Variants in NME8 observed in about 807,000 individuals in gnomAD.
NME8 encodes the protein protein NME8.
A neutral mutation model predicts 82.3 loss-of-function variants in NME8; 72 were observed. The observed-to-expected ratio is 0.87, with a 90% confidence interval of 0.72 to 1.06. NME8 has a LOEUF of 1.06. NME8 is among the 50% of genes least tolerant of loss of function. NME8 has a pLI of 0.00. For missense variants in NME8, 712 were observed against 685.4 expected (o/e 1.04, Z -0.43); for synonymous variants, 267 against 228.5 (o/e 1.17, Z -1.52).
chr7:37,871,122 T>C lies in NME8; in HGVS notation c.818+3224T>C, dbSNP rs555616515. On this transcript the variant is annotated intron_variant, in intron 11 of 17. Transcript: ENST00000199447. Reference sequence around the variant, plus strand: ...AGGAGAGAAGTTAAAAGCAGAGCAATTGAACTGGGAGTGATTGGTGACCCC... The same window carrying C: ...AGGAGAGAAGTTAAAAGCAGAGCAACTGAACTGGGAGTGATTGGTGACCCC... Among the ~76,000 whole-genome samples, 10 of 152,250 alleles carry C rather than the reference T, an allele frequency of 6.6e-5. No individual in the cohort carries two copies. The East Asian group carries it at 1.5e-3, about 24-fold the overall frequency.
In NME8 at chr7:37,887,242, T is replaced by A. The variant is rs372300881; in HGVS notation, c.1248-1035T>A. ...GTCTAATGTGGATGGTCTGGTATTA[T>A]CAGCATCACTCCTGCCTCTTCCCAC... On this transcript the variant is annotated intron_variant, in intron 14 of 17. Transcript: ENST00000199447. 7.9e-4 allele frequency among the ~76,000 whole-genome samples: 120 copies of A among 152,296 alleles called. 2 individuals carry two copies. The highest frequency in any genetic ancestry group is 3.4e-3 in the Middle Eastern group (1 of 294).
intron 2 of NME8, among the ~76,000 whole-genome samples, chr7:37,849,364 A>G (rs1053308431): frequency 1.3e-5 from 2 of 152,202 alleles, no homozygotes; most frequent in African/African-American, 4.8e-5. Context: ...TATTTCAGGA[A>G]AACAAAACCT....
chr7:37,887,738 G>A (rs971429894), intron 14 of NME8, among the ~76,000 whole-genome samples: 3 of 152,100 alleles, frequency 2.0e-5, no homozygotes, highest in East Asian at 1.9e-4. Flanking sequence ...TCACAGTTCC[G>A]CATGGCTGGG....
intron 6 of NME8, among the ~76,000 whole-genome samples, chr7:37,860,891 A>G (rs1457119391): frequency 1.3e-5 from 2 of 152,250 alleles, no homozygotes; most frequent in East Asian, 1.9e-4. Flanking sequence ...AGTGAGAAAC[A>G]GAAGAGTCAC....
At chr7:37,900,184 T>G (rs1384351487) in intron 17 of NME8, 60 bp from the exon 18 acceptor site, 4 of 152,238 alleles carry the variant, frequency 2.6e-5, no homozygotes, top group African/African-American at 9.6e-5. Flanking sequence ...TGATAAATGC[T>G]GAAAGATTAG....
At position 37,862,056 on chromosome 7, in the gene NME8, G is replaced by T; in HGVS notation, c.299G>T (p.Gly100Val). Reference protein sequence around the residue: ...VNGKIIEKIQGANAPLVNKKV... With the variant: ...VNGKIIEKIQVANAPLVNKKV... ...GGCAAAATTATCGAAAAGATTCAGG[G>T]TGCAAATGCACCGCTTGTTAATAAA... Residue 100 changes from glycine to valine, a missense_variant, in exon 7 of 18, where the codon GGT becomes GTT. Coordinates refer to ENST00000199447, the MANE Select transcript of NME8 (RefSeq NM_016616.5). The T allele has an allele frequency of 1.2e-6, 2 of 1,613,534 alleles. No individual in the cohort carries two copies. Among genetic ancestry groups the T allele is most frequent in the Non-Finnish European group, 1.7e-6 (2 of 1,179,668 alleles).
chr7:37,879,407 A>G (rs909009004), intron 12 of NME8, among the ~76,000 whole-genome samples: 3 of 152,164 alleles, frequency 2.0e-5, no homozygotes, highest in Admixed American at 6.5e-5. Context: ...TCGCCTCCCA[A>G]AGTGCTGGAT....
chr7:37,858,172 C>T (rs985004359), intron 6 of NME8, among the ~76,000 whole-genome samples: 13 of 152,226 alleles, frequency 8.5e-5, no homozygotes, highest in Admixed American at 3.9e-4. Flanking sequence ...CTACAGAGTT[C>T]GAGAACTGAG....
chr7:37,866,684 T>C (rs1784687509), intron 10 of NME8, among the ~76,000 whole-genome samples: 1 of 152,202 alleles, frequency 6.6e-6, no homozygotes, highest in Non-Finnish European at 1.5e-5. Context: ...GGGAGAGATT[T>C]GTTAAAGATG....
At chr7:37,850,128 T>TACATAAATATATACACCTACTATGTACCC (rs1784417124) in intron 2 of NME8, 132 bp from the exon 3 acceptor site, 1 of 684,618 alleles carries the variant, frequency 1.5e-6, no homozygotes, top group African/African-American at 1.8e-5. Flanking sequence ...AATACAGAGA[T>TACATAAATATATACACCTACTATGTACCC]ACATAAATAT....
At chr7:37,872,933 G>T (rs2722309) in intron 11 of NME8, among the ~76,000 whole-genome samples, 84,725 of 151,992 alleles carry the variant, frequency 0.56, 24,768 homozygotes, top group East Asian at 0.68. Context: ...TGCACACTGT[G>T]TCCAGACAGA....
Position 37,885,218 on chromosome 7 carries a change from A to G in NME8, c.1213A>G (p.Thr405Ala). 1.2e-6 allele frequency: 2 copies of G among 1,613,202 alleles called. No homozygotes were observed. The highest frequency in any genetic ancestry group is 1.7e-4 in the Middle Eastern group (1 of 6,058). The change falls in exon 14 of 18, where the codon ACT (threonine) becomes GCT (alanine). Residue 405 changes from threonine to alanine, a missense_variant. By Grantham distance (58) the Thr-to-Ala change is moderately conservative. Transcript: ENST00000199447. ...CTGGAAACAATTACTGGGACCAAGA[A>G]CTGTTGAAGAAGCCATTGAATATTT... is the stretch of plus-strand genomic sequence containing the variant. ...QYWKQLLGPRTVEEAIEYFPE... is the reference protein window; with the variant it reads ...QYWKQLLGPRAVEEAIEYFPE...
chr7:37,852,321 A>G (rs570966071), intron 5 of NME8, among the ~76,000 whole-genome samples: 1 of 152,138 alleles, frequency 6.6e-6, no homozygotes, highest in Non-Finnish European at 1.5e-5. Context: ...GTACATTGTT[A>G]CAACGGATTA....
intron 11 of NME8, among the ~76,000 whole-genome samples, chr7:37,875,222 A>G (rs377537231): frequency 6.6e-6 from 1 of 152,238 alleles, no homozygotes; most frequent in African/African-American, 2.4e-5. Context: ...AACTACATGC[A>G]ATATATAATC....
At chr7:37,862,174 G>A (rs1460624629) in intron 7 of NME8, 30 bp downstream of exon 7, 1 of 1,424,850 alleles carries the variant, frequency 7.0e-7, no homozygotes, top group Non-Finnish European at 9.9e-7. Flanking sequence ...ACAGTTTGAA[G>A]ACAAGCTTAT....
chr7:37,851,396 T>C (rs1784436656), intron 5 of NME8, among the ~76,000 whole-genome samples: 1 of 152,206 alleles, frequency 6.6e-6, no homozygotes, highest in South Asian at 2.1e-4. Flanking sequence ...TTGTAAAACT[T>C]TTAAAATCTG....
Position 37,867,757 on chromosome 7 carries a change from T to A in NME8, c.677T>A (p.Val226Asp). 2 of 1,613,728 alleles carry A rather than the reference T, an allele frequency of 1.2e-6. No homozygotes were observed. The highest frequency in any genetic ancestry group is 2.2e-5 in the South Asian group (2 of 91,082). The change falls in exon 11 of 18, where the codon GTT (valine) becomes GAT (aspartate). Residue 226 changes from valine (V) to aspartate (D), a missense_variant. By Grantham distance (152) the Val-to-Asp change is radical. Coordinates refer to ENST00000199447, the MANE Select transcript of NME8 (RefSeq NM_016616.5). ...ACAAGTGGCTTAAGCTATATTCTAG[T>A]TGTATCTCAAGGAAGTAAACACAAT... ...FMTSGLSYILVVSQGSKHNPP... is the reference protein window; with the variant it reads ...FMTSGLSYILDVSQGSKHNPP...
chr7:37,849,572 G>T (rs1784408460), intron 2 of NME8, among the ~76,000 whole-genome samples: 1 of 152,220 alleles, frequency 6.6e-6, no homozygotes, highest in Admixed American at 6.5e-5. Context: ...TTTTTCACTA[G>T]TACATTAAGA....
rs1784642860 is a variant in NME8, at chr7:37,864,359, A to T, written c.466A>T (p.Ser156Cys). ...AAATTTTTTTCCAGAGGAATTATAC[A>T]GTATTGCTATTATCAAACCGGATGC... is the stretch of plus-strand genomic sequence containing the variant. ...SPCESVQELY[S>C]IAIIKPDAVI... Residue 156 changes from serine (S) to cysteine (C), a missense_variant, in exon 9 of 18, where the codon AGT becomes TGT. Transcript: ENST00000199447. The T allele has an allele frequency of 6.3e-7, 1 of 1,593,124 alleles. No homozygotes were observed. The highest frequency in any genetic ancestry group is 1.3e-5 in the African/African-American group (1 of 74,556).
Sources: gnomAD v4.1 joint callset for allele counts (sites outside exome capture counted in the v4.1 genomes callset) on GRCh38, gnomAD v4.1.1 for gene constraint, MANE v1.5 for transcripts, NCBI Gene and HGNC (gene_info 2026-07-23, HGNC 2026-07-21) for gene names.